DNAJC3: variants seen among roughly 807,000 people sequenced by gnomAD.
DNAJC3 encodes DnaJ heat shock protein family (Hsp40) member C3, also known as dnaJ homolog subfamily C member 3.
DNAJC3 carries 38 observed loss-of-function variants against 68.6 expected under a neutral mutation model. That is an observed-to-expected ratio of 0.55 (90% CI 0.43 to 0.73). The LOEUF is 0.73. DNAJC3 is among the 30% of genes least tolerant of loss of function. The pLI is 0.00. For missense variants in DNAJC3, 526 were observed against 591.9 expected (o/e 0.89, Z 1.16); for synonymous variants, 203 against 204.0 (o/e 1.00, Z 0.04).
In DNAJC3 at chr13:95,715,954, C is replaced by T. The variant is rs561740853; in HGVS notation, c.193+6617C>T. On this transcript the variant is annotated intron_variant, in intron 2 of 11. Coordinates refer to ENST00000602402, the MANE Select transcript of DNAJC3 (RefSeq NM_006260.5). ...GGCGGATCACCTGAGGTCAGGAGTT[C>T]GAGACCAGCCTGGCCAACATGGTGA... Among the ~76,000 whole-genome samples, 5 of 151,322 alleles carry T rather than the reference C, an allele frequency of 3.3e-5. No individual in the cohort carries two copies. In the East Asian group the frequency reaches 6.0e-4, roughly 18 times the overall value.
intron 4 of DNAJC3, among the ~76,000 whole-genome samples, chr13:95,751,800 C>G (rs987565512): frequency 6.6e-6 from 1 of 152,206 alleles, no homozygotes; most frequent in African/African-American, 2.4e-5. Flanking sequence ...CACAGTTTCA[C>G]ATGGCTGGGG....
In DNAJC3 at chr13:95,763,880, G is replaced by T; in HGVS notation, c.1002G>T (p.Gln334His). The stretch of plus-strand genomic sequence containing the variant: ...TTAGGGTTTGTTCTGAAGTTTTACA[G>T]ATGGAACCTGACAATGTGAATGCCC... ...EAIRVCSEVLQMEPDNVNALK... is the reference protein window; with the variant it reads ...EAIRVCSEVLHMEPDNVNALK... Residue 334 changes from glutamine to histidine, a missense_variant, in exon 9 of 12, where the codon CAG (glutamine) becomes CAT (histidine). Transcript: ENST00000602402. 1 of 1,614,062 alleles carries T rather than the reference G, an allele frequency of 6.2e-7. No homozygotes were observed. Among genetic ancestry groups the T allele is most frequent in the African/African-American group, 1.3e-5 (1 of 75,054 alleles).
intron 1 of DNAJC3, among the ~76,000 whole-genome samples, chr13:95,696,636 C>T (rs1305644250): frequency 6.6e-6 from 1 of 152,134 alleles, no homozygotes; most frequent in African/African-American, 2.4e-5. Context: ...TTTACTCCAG[C>T]TTGCTTTTTT....
Position 95,773,316 on chromosome 13 carries a change from G to A in DNAJC3, c.1075+9363G>A, listed in dbSNP as rs139420856. On this transcript the variant is annotated intron_variant, in intron 9 of 11. Transcript: ENST00000602402. ...CTCCCAAGTAGCTGGGACTACAGGT[G>A]CATGCCACCACACCTGGCTAGTTTT... Among the ~76,000 whole-genome samples, 540 of 151,858 alleles carry A rather than the reference G, an allele frequency of 3.6e-3. 3 individuals are homozygous for A. Among genetic ancestry groups the A allele is most frequent in the African/African-American group, 0.012 (513 of 41,436 alleles).
chr13:95,786,999 C>A lies in DNAJC3; in HGVS notation c.1209-8C>A, dbSNP rs778152919. 6.3e-7 allele frequency: 1 copy of A among 1,599,878 alleles called. No individual in the cohort carries two copies. Among genetic ancestry groups the A allele is most frequent in the Non-Finnish European group, 8.5e-7 (1 of 1,176,122 alleles). The stretch of plus-strand genomic sequence containing the variant: ...CCACTAATGATTATTTATTTTACCA[C>A]CCCTCAGAAATGCCAAAAAGCAAGA... On this transcript the variant is annotated splice_polypyrimidine_tract_variant and splice_region_variant and intron_variant, in intron 10 of 11. Transcript: ENST00000602402.
At chr13:95,746,562 TA>T (rs1566496769) in intron 4 of DNAJC3, among the ~76,000 whole-genome samples, 2 of 152,226 alleles carry the variant, frequency 1.3e-5, no homozygotes, top group African/African-American at 4.8e-5. Context: ...AAATTTATGT[TA>T]TGCCTATTTT....
intron 2 of DNAJC3, among the ~76,000 whole-genome samples, chr13:95,715,696 G>C (rs112677287): frequency 0.017 from 2,579 of 151,104 alleles, 79 homozygotes; most frequent in African/African-American, 0.06. Flanking sequence ...CCATGTTGGC[G>C]AGGATGGTCT....
intron 1 of DNAJC3, among the ~76,000 whole-genome samples, chr13:95,690,618 A>AC (rs1187016961): frequency 4.4e-4 from 55 of 124,142 alleles, no homozygotes; most frequent in East Asian, 2.1e-3. Context: ...CGGGGGGCTG[A>AC]CCCCCCCACC....
At chr13:95,757,581 T>A (rs1270687823) in intron 4 of DNAJC3, 63 bp from the exon 5 acceptor site, 1 of 1,430,662 alleles carries the variant, frequency 7.0e-7, no homozygotes, top group Non-Finnish European at 9.4e-7. Context: ...TACCCTTGTG[T>A]ATATTACAGG....
chr13:95,712,804 A>G (rs1018657483), intron 2 of DNAJC3, among the ~76,000 whole-genome samples: 3 of 152,312 alleles, frequency 2.0e-5, no homozygotes, highest in Admixed American at 2.0e-4. Context: ...TTGGGAAATT[A>G]CAGTTTTGCT....
chr13:95,725,204 A>C lies in DNAJC3; in HGVS notation c.345A>C (p.Leu115Phe). 1 of 1,593,582 alleles carries C rather than the reference A, an allele frequency of 6.3e-7. No homozygotes were observed. The highest frequency in any genetic ancestry group is 8.5e-7 in the Non-Finnish European group (1 of 1,171,984). The change falls in exon 4 of 12, where the codon TTA becomes TTC. Residue 115 changes from leucine (L) to phenylalanine (F), a missense_variant. Transcript: ENST00000602402. Reference sequence around the variant, plus strand: ...CAAGATTACAGAGAGGTCACTTATTACTCAAACAAGGAAAACTTGATGAAG... The same window carrying C: ...CAAGATTACAGAGAGGTCACTTATTCCTCAAACAAGGAAAACTTGATGAAG... The part of the protein sequence containing the change: ...TAARLQRGHL[L>F]LKQGKLDEAE...
At chr13:95,730,754 T>A (rs1881684281) in intron 4 of DNAJC3, among the ~76,000 whole-genome samples, 2 of 152,264 alleles carry the variant, frequency 1.3e-5, no homozygotes, top group Admixed American at 1.3e-4. Context: ...TGATGCCTCC[T>A]TACTCTTTTT....
At position 95,713,310 on chromosome 13, in the gene DNAJC3, T is replaced by A. The variant is rs148475561; in HGVS notation, c.193+3973T>A. 3.4e-3 allele frequency among the ~76,000 whole-genome samples: 524 copies of A among 152,282 alleles called. 5 individuals are homozygous for A. Among genetic ancestry groups the A allele is most frequent in the Middle Eastern group, 0.017 (5 of 294 alleles). The stretch of plus-strand genomic sequence containing the variant: ...CAAATAATCTGCAGACTATCATAAC[T>A]GAAATGAATTTAGCAAGGCCACTCA... On this transcript the variant is annotated intron_variant, in intron 2 of 11. Coordinates refer to ENST00000602402, the MANE Select transcript of DNAJC3 (RefSeq NM_006260.5).
intron 4 of DNAJC3, among the ~76,000 whole-genome samples, chr13:95,731,636 G>T (rs1324945261): frequency 6.6e-6 from 1 of 152,098 alleles, no homozygotes; most frequent in Non-Finnish European, 1.5e-5. Flanking sequence ...TGCGTCTCTG[G>T]GATAAATCCC....
intron 4 of DNAJC3, among the ~76,000 whole-genome samples, chr13:95,750,592 C>T (rs80167723): frequency 4.6e-5 from 7 of 151,940 alleles, no homozygotes; most frequent in Admixed American, 1.3e-4. Context: ...TTACTGCAAC[C>T]TCTGCCTCCC....
chr13:95,772,071 C>G (rs951765321), intron 9 of DNAJC3, among the ~76,000 whole-genome samples: 6 of 152,206 alleles, frequency 3.9e-5, no homozygotes, highest in African/African-American at 1.4e-4. Flanking sequence ...CTACTCAGCT[C>G]TGCCATTGCA....
At position 95,776,936 on chromosome 13, in the gene DNAJC3, G is replaced by A. The variant is rs544770689; in HGVS notation, c.1076-9003G>A. Among the ~76,000 whole-genome samples, 3 of 152,248 alleles carry A rather than the reference G, an allele frequency of 2.0e-5. 1 individual carries two copies. Among genetic ancestry groups the A allele is most frequent in the African/African-American group, 7.2e-5 (3 of 41,550 alleles). ...CAGCTGTATCCCTTCTGCACCATCA[G>A]GGCACACGCTCTGCTCTGTCGCTGT... On this transcript the variant is annotated intron_variant, in intron 9 of 11. Coordinates refer to ENST00000602402, the MANE Select transcript of DNAJC3 (RefSeq NM_006260.5).
chr13:95,745,595 C>T (rs1456805303), intron 4 of DNAJC3: 2 of 152,216 alleles, frequency 1.3e-5, no homozygotes, highest in Non-Finnish European at 2.9e-5. Context: ...ACAGTCTCCC[C>T]TGTATCCAAT....
chr13:95,760,528 C>T (rs1413040690), intron 6 of DNAJC3, 151 bp from the exon 7 acceptor site: 1 of 964,352 alleles, frequency 1.0e-6, no homozygotes, highest in Non-Finnish European at 1.5e-6. Context: ...GGTACAATGC[C>T]ACGTATAAAT....
Sources: allele counts gnomAD v4.1 joint callset (sites outside exome capture counted in the v4.1 genomes callset), GRCh38; gene constraint gnomAD v4.1.1; transcripts MANE v1.5; gene names NCBI Gene and HGNC (gene_info 2026-07-23, HGNC 2026-07-21).